FBN2: variants seen among roughly 807,000 people sequenced by gnomAD.
FBN2 encodes the protein fibrillin-2.
FBN2 carries 105 observed loss-of-function variants against 355.6 expected under a neutral mutation model. The ratio of observed to expected loss-of-function variants is 0.30; its 90% confidence interval spans 0.25 to 0.35. FBN2 has a LOEUF of 0.35. Ranked by LOEUF, FBN2 falls within the 10% of genes least tolerant of loss-of-function variation. The pLI is 1.00. For missense variants in FBN2, 3,280 were observed against 3,758.7 expected, an observed-to-expected ratio of 0.87 and a Z score of 3.33; for synonymous variants, 1,350 against 1,301.2, an observed-to-expected ratio of 1.04 and a Z score of -0.81.
chr5:128,370,767 T>C (rs1224298803), intron 15 of FBN2, among the ~76,000 whole-genome samples: 1 of 152,068 alleles, frequency 6.6e-6, no homozygotes, highest in East Asian at 1.9e-4. Context: ...ATAAAAGGCC[T>C]ATGGAGCTCA....
chr5:128,386,236 A>G (rs982674559), intron 11 of FBN2, among the ~76,000 whole-genome samples: 1 of 152,210 alleles, frequency 6.6e-6, no homozygotes, highest in Non-Finnish European at 1.5e-5. Flanking sequence ...AATCTTCTGC[A>G]TATGACTAGC....
chr5:128,300,864 C>T lies in FBN2; in HGVS notation c.6119G>A (p.Arg2040Lys), dbSNP rs1161726538. The change falls in exon 48 of 65, where the codon AGA becomes AAA. Residue 2040 changes from arginine to lysine, a missense_variant. Around this residue, in one of 6 missense-constraint regions of FBN2, gnomAD observed 2,284 missense variants for 2,749.5 expected, o/e 0.83. Coordinates refer to ENST00000262464, the MANE Select transcript of FBN2 (RefSeq NM_001999.4). ...TTCATACCCTGGGGGACAGATGCAT[C>T]TGAAGGATCCCTCCAAATTCTGACA... is the stretch of plus-strand genomic sequence containing the variant. ...GTCQNLEGSFRCICPPGYEVK... is the reference protein window; with the variant it reads ...GTCQNLEGSFKCICPPGYEVK... The T allele has an allele frequency of 1.2e-6, 2 of 1,613,978 alleles. No homozygotes were observed. Among genetic ancestry groups the T allele is most frequent in the Non-Finnish European group, 8.5e-7 (1 of 1,179,892 alleles).
At chr5:128,309,949 T>C in intron 40 of FBN2, 34 bp downstream of exon 40, 1 of 1,610,362 alleles carries the variant, frequency 6.2e-7, no homozygotes, top group Non-Finnish European at 8.5e-7. Flanking sequence ...AGTCAACAAC[T>C]GTGCTCTAAT....
At chr5:128,479,964 CTCTCTCTCTCTCTATATATATATA>C (rs1451765790) in intron 5 of FBN2, among the ~76,000 whole-genome samples, 8 of 34,880 alleles carry the variant, frequency 2.3e-4, no homozygotes, top group Admixed American at 4.5e-4. Flanking sequence ...CTCTCTCTCT[CTCTCTCTCTCTCTATATATATATA>C]TATATATATA....
chr5:128,265,939 A>T (rs1381371552), intron 62 of FBN2, among the ~76,000 whole-genome samples: 5 of 152,212 alleles, frequency 3.3e-5, no homozygotes, highest in African/African-American at 1.2e-4. Flanking sequence ...TTCCGGGGGA[A>T]ATCTGTCTGA....
chr5:128,400,797 T>G (rs1752778155), intron 8 of FBN2, among the ~76,000 whole-genome samples: 1 of 152,202 alleles, frequency 6.6e-6, no homozygotes, highest in Non-Finnish European at 1.5e-5. Context: ...AGGTAATATG[T>G]ATAAAAATGC....
At chr5:128,297,407 T>G (rs922793528) in intron 48 of FBN2, among the ~76,000 whole-genome samples, 2 of 152,200 alleles carry the variant, frequency 1.3e-5, no homozygotes, top group Non-Finnish European at 2.9e-5. Flanking sequence ...ACCTTCTGTC[T>G]CGTTGATCTG....
chr5:128,276,004 C>G (rs761953135), intron 59 of FBN2, 34 bp downstream of exon 59: 1 of 1,610,594 alleles, frequency 6.2e-7, no homozygotes, highest in East Asian at 2.2e-5. Flanking sequence ...AAGATACAGA[C>G]TAGGGTCACG....
intron 62 of FBN2, among the ~76,000 whole-genome samples, chr5:128,269,497 C>T (rs1765211229): frequency 1.3e-5 from 2 of 150,394 alleles, no homozygotes; most frequent in Non-Finnish European, 3.0e-5. Context: ...TTGTCTCAGC[C>T]CCAAAACTCA....
chr5:128,520,039 A>T lies in FBN2; in HGVS notation c.533-671T>A, dbSNP rs114158675. On this transcript the variant is annotated intron_variant, in intron 4 of 64. Coordinates refer to ENST00000262464, the MANE Select transcript of FBN2 (RefSeq NM_001999.4). ...AAAAGGGAAAAAAAGCTGTGTAAGC[A>T]TAATATGTTTTTTCATATAAAATTA... 3.8e-3 allele frequency among the ~76,000 whole-genome samples: 575 copies of T among 152,338 alleles called. 4 individuals carry two copies. Among genetic ancestry groups the T allele is most frequent in the African/African-American group, 0.013 (529 of 41,580 alleles).
intron 6 of FBN2, among the ~76,000 whole-genome samples, chr5:128,457,878 A>G (rs992833420): frequency 3.6e-4 from 55 of 152,228 alleles, no homozygotes; most frequent in African/African-American, 1.2e-3. Flanking sequence ...ATAAAGACCA[A>G]TAACACTATG....
chr5:128,525,748 G>A (rs1250615187), intron 4 of FBN2, among the ~76,000 whole-genome samples: 1 of 152,082 alleles, frequency 6.6e-6, no homozygotes, highest in South Asian at 2.1e-4. Context: ...GCCAGATCTA[G>A]GCCACTGCTT....
intron 35 of FBN2, 89 bp downstream of exon 35, chr5:128,318,790 C>T (rs1413167779): frequency 1.4e-6 from 2 of 1,387,844 alleles, no homozygotes; most frequent in Non-Finnish European, 2.0e-6. Context: ...CATAGATTAG[C>T]TAAGCAGAAA....
At chr5:128,307,942 A>G (rs1162448572) in intron 41 of FBN2, among the ~76,000 whole-genome samples, 2 of 152,116 alleles carry the variant, frequency 1.3e-5, no homozygotes, top group Non-Finnish European at 2.9e-5. Flanking sequence ...TGTATATTTC[A>G]TCCATCAATA....
chr5:128,385,879 A>C (rs1305322027), intron 11 of FBN2, among the ~76,000 whole-genome samples: 1 of 151,848 alleles, frequency 6.6e-6, no homozygotes, highest in Non-Finnish European at 1.5e-5. Flanking sequence ...CCATTATTTA[A>C]TGAGATTTTT....
intron 62 of FBN2, among the ~76,000 whole-genome samples, chr5:128,268,780 G>A (rs775552234): frequency 2.0e-5 from 3 of 152,064 alleles, no homozygotes; most frequent in Admixed American, 6.5e-5. Context: ...AAAACCACAT[G>A]ATTATCTCAA....
At chr5:128,348,319 TTAAAGA>T (rs1254237860) in intron 23 of FBN2, among the ~76,000 whole-genome samples, 1 of 152,184 alleles carries the variant, frequency 6.6e-6, no homozygotes, top group East Asian at 1.9e-4. Flanking sequence ...TGTAGATCAC[TTAAAGA>T]TAATTTTTAA....
intron 5 of FBN2, among the ~76,000 whole-genome samples, chr5:128,489,909 G>A (rs944161141): frequency 3.3e-5 from 5 of 152,094 alleles, no homozygotes; most frequent in African/African-American, 9.7e-5. Context: ...ATACATCTAC[G>A]GATGTACTAT....
At chr5:128,295,231 T>C (rs1409561693) in intron 48 of FBN2, among the ~76,000 whole-genome samples, 1 of 151,186 alleles carries the variant, frequency 6.6e-6, no homozygotes, top group Non-Finnish European at 1.5e-5. Context: ...CTGTTTTGGT[T>C]ACTGTAGCCT....
Sources: gnomAD v4.1 joint callset for allele counts (sites outside exome capture counted in the v4.1 genomes callset) on GRCh38, gnomAD v4.1.1 for gene constraint, gnomAD v4.1.1 regional missense constraint, MANE v1.5 for transcripts, NCBI Gene and HGNC (gene_info 2026-07-23, HGNC 2026-07-21) for gene names.